The following FIRRM variants were observed in gnomAD, a reference collection of about 807,000 sequenced individuals.
The protein encoded by FIRRM is FIGNL1 interacting regulator of recombination and mitosis, also known as FIGNL1-interacting regulator of recombination and mitosis.
At chr1:169,852,765 G>A in the FIRRM span, 1 of 1,609,488 alleles carries the variant, frequency 6.2e-7, no homozygotes, top group Non-Finnish European at 8.5e-7. Flanking sequence ...TGGATATTGT[G>A]ATATTACTTA....
At chr1:169,831,106 T>C in the FIRRM span, among the ~76,000 whole-genome samples, 1 of 152,198 alleles carries the variant, frequency 6.6e-6, no homozygotes, top group East Asian at 1.9e-4. Context: ...TAATATGCCT[T>C]AGACAAGTCG....
chr1:169,835,194 T>C, the FIRRM span, among the ~76,000 whole-genome samples: 8 of 152,172 alleles, frequency 5.3e-5, no homozygotes, highest in Admixed American at 2.0e-4. Flanking sequence ...GATGTCACCT[T>C]AACATAAATG....
chr1:169,849,490 G>A, the FIRRM span: 2 of 1,600,330 alleles, frequency 1.2e-6, no homozygotes, highest in South Asian at 2.2e-5. Flanking sequence ...ATAAGGCTTG[G>A]TTCTTTTAGG....
chr1:169,818,985 C>T, the FIRRM span, among the ~76,000 whole-genome samples: 6 of 152,190 alleles, frequency 3.9e-5, no homozygotes, highest in East Asian at 1.9e-4. Context: ...ACCCCTGGCT[C>T]ATTTGCCAGT....
chr1:169,805,402 C>G, the FIRRM span, among the ~76,000 whole-genome samples: 2 of 152,198 alleles, frequency 1.3e-5, no homozygotes, highest in African/African-American at 4.8e-5. Context: ...CCAGTGGTTT[C>G]AGGGTTTCTA....
the FIRRM span, chr1:169,795,297 C>G: frequency 6.9e-7 from 1 of 1,457,248 alleles, no homozygotes; most frequent in Non-Finnish European, 9.2e-7. Flanking sequence ...TCAGACCCAC[C>G]GCCAGGCTGG....
the FIRRM span, chr1:169,823,560 A>G: frequency 6.9e-5 from 51 of 735,626 alleles, no homozygotes; most frequent in East Asian, 7.6e-4. Context: ...ATGATAAAAC[A>G]GAATAATTTT....
the FIRRM span, among the ~76,000 whole-genome samples, chr1:169,821,458 G>T: frequency 1.7e-4 from 26 of 152,150 alleles, no homozygotes; most frequent in Non-Finnish European, 3.1e-4. Context: ...TTTCTTTTCA[G>T]TAATGTAGAA....
At chr1:169,852,434 T>C in the FIRRM span, 1 of 277,012 alleles carries the variant, frequency 3.6e-6, no homozygotes, top group East Asian at 9.0e-5. Context: ...AGAACAACAT[T>C]CTGATAAGTT....
the FIRRM span, among the ~76,000 whole-genome samples, chr1:169,790,782 G>A: frequency 6.6e-6 from 1 of 152,282 alleles, no homozygotes; most frequent in African/African-American, 2.4e-5. Flanking sequence ...CAGCTGTCAA[G>A]GCCAATTTGT....
At chr1:169,829,191 C>CAT in the FIRRM span, 1 of 1,292,096 alleles carries the variant, frequency 7.7e-7, no homozygotes, top group Non-Finnish European at 1.0e-6. Flanking sequence ...TTCCATGTTA[C>CAT]ATATTATTAT....
chr1:169,830,239 A>T, the FIRRM span: 7 of 1,582,928 alleles, frequency 4.4e-6, no homozygotes, highest in Non-Finnish European at 5.2e-6. Flanking sequence ...AAATAAATTA[A>T]TTTTTCTGTT....
the FIRRM span, chr1:169,842,590 A>T: frequency 6.3e-7 from 1 of 1,593,750 alleles, no homozygotes; most frequent in Non-Finnish European, 8.5e-7. Flanking sequence ...AAATATCAAA[A>T]AAAGAGGATT....
the FIRRM span, among the ~76,000 whole-genome samples, chr1:169,797,822 G>T: frequency 1.3e-5 from 2 of 152,130 alleles, no homozygotes; most frequent in Non-Finnish European, 2.9e-5. Context: ...GACTACAGGC[G>T]TGAGCCACCG....
the FIRRM span, chr1:169,823,521 C>A: frequency 1.7e-6 from 2 of 1,170,916 alleles, no homozygotes; most frequent in Non-Finnish European, 2.5e-6. Context: ...GCCATCTGTG[C>A]CATGCAGTGC....
chr1:169,818,237 T>C, the FIRRM span, among the ~76,000 whole-genome samples: 1 of 152,244 alleles, frequency 6.6e-6, no homozygotes, highest in African/African-American at 2.4e-5. Flanking sequence ...ATTCTAATTA[T>C]GTACTAGGTA....
the FIRRM span, chr1:169,843,680 G>A: frequency 6.2e-7 from 1 of 1,609,598 alleles, no homozygotes; most frequent in African/African-American, 1.3e-5. Flanking sequence ...TTAGGTAGCA[G>A]ATCAACCTTA....
the FIRRM span, chr1:169,851,651 G>GTGAT: frequency 1.3e-6 from 1 of 771,048 alleles, no homozygotes; most frequent in Non-Finnish European, 2.1e-6. Context: ...ACACAGTAGA[G>GTGAT]TGATTTAATC....
the FIRRM span, chr1:169,802,763 G>A: frequency 4.7e-5 from 62 of 1,325,258 alleles, no homozygotes; most frequent in Non-Finnish European, 6.5e-5. Flanking sequence ...GAGAGAGGGA[G>A]CTTAAAGAAT....
Sources: gnomAD v4.1 joint callset for allele counts (sites outside exome capture counted in the v4.1 genomes callset) on GRCh38, gnomAD v4.1.1 for gene constraint, MANE v1.5 for transcripts, NCBI Gene and HGNC (gene_info 2026-07-23, HGNC 2026-07-21) for gene names.